SNTG2: variants seen among roughly 807,000 people sequenced by gnomAD.
SNTG2 encodes the protein gamma-2-syntrophin.
In SNTG2, 74 loss-of-function variants were observed where a neutral mutation model predicts 70.9. That is an observed-to-expected ratio of 1.04 (90% confidence interval 0.86 to 1.27). The LOEUF is 1.27. SNTG2 is among the 50% of genes most tolerant of loss of function. The pLI is 0.00. For synonymous variants in SNTG2, 278 were observed against 273.8 expected, an observed-to-expected ratio of 1.02 and a Z score of -0.15; for missense variants, 717 against 690.7, an observed-to-expected ratio of 1.04 and a Z score of -0.43.
chr2:1,146,355 A>G (rs1669100963), intron 6 of SNTG2, among the ~76,000 whole-genome samples: 1 of 148,842 alleles, frequency 6.7e-6, no homozygotes, highest in Admixed American at 6.8e-5. Flanking sequence ...AAATATGTAT[A>G]ATGTTTAAAT....
At chr2:1,268,417 T>A (rs971483881) in intron 14 of SNTG2, among the ~76,000 whole-genome samples, 1 of 152,226 alleles carries the variant, frequency 6.6e-6, no homozygotes, top group African/African-American at 2.4e-5. Flanking sequence ...CTCCTTGGCA[T>A]GCCATCACAG....
At chr2:977,471 C>T (rs1397258534) in intron 1 of SNTG2, among the ~76,000 whole-genome samples, 1 of 152,140 alleles carries the variant, frequency 6.6e-6, no homozygotes, top group East Asian at 1.9e-4. Flanking sequence ...CTTCACCACC[C>T]AGTCCTCTGC....
intron 8 of SNTG2, among the ~76,000 whole-genome samples, chr2:1,201,405 G>A (rs1673266912): frequency 6.6e-6 from 1 of 151,674 alleles, no homozygotes; most frequent in Non-Finnish European, 1.5e-5. Context: ...GGTGTGGGGG[G>A]AGGTGAAGAG....
At chr2:1,085,662 A>G (rs4290689) in intron 2 of SNTG2, among the ~76,000 whole-genome samples, 125,503 of 152,228 alleles carry the variant, frequency 0.82, 51,861 homozygotes, top group Admixed American at 0.89. Context: ...CCGTGTATCC[A>G]GCAGTGCAGA....
chr2:1,085,082 T>C (rs34791536), intron 2 of SNTG2, among the ~76,000 whole-genome samples: 3 of 152,204 alleles, frequency 2.0e-5, no homozygotes, highest in African/African-American at 7.2e-5. Context: ...AGGCTTTTTT[T>C]CCCCGACATG....
intron 8 of SNTG2, among the ~76,000 whole-genome samples, chr2:1,192,202 GGAACGTGGTTTCCACAA>G (rs1672637672): frequency 6.6e-6 from 1 of 152,294 alleles, no homozygotes; most frequent in South Asian, 2.1e-4. Context: ...GAGGGAGTTG[GGAACGTGGTTTCCACAA>G]AAGGTTCTGT....
chr2:1,254,387 G>A (rs1043727162), intron 12 of SNTG2, among the ~76,000 whole-genome samples: 9 of 152,162 alleles, frequency 5.9e-5, no homozygotes, highest in African/African-American at 2.2e-4. Flanking sequence ...TCTGAAAGAT[G>A]TTTCAGTTAT....
intron 1 of SNTG2, among the ~76,000 whole-genome samples, chr2:1,073,351 C>G (rs879234046): frequency 6.6e-6 from 1 of 152,188 alleles, no homozygotes; most frequent in African/African-American, 2.4e-5. Context: ...CATCTTGATC[C>G]GTCAGCCTAC....
intron 6 of SNTG2, among the ~76,000 whole-genome samples, chr2:1,140,320 C>A (rs1180685670): frequency 6.6e-6 from 1 of 152,242 alleles, no homozygotes; most frequent in East Asian, 1.9e-4. Context: ...GCATTTTCAT[C>A]CACACTGGCA....
At chr2:965,193 A>C (rs1572170690) in intron 1 of SNTG2, among the ~76,000 whole-genome samples, 2 of 94,376 alleles carry the variant, frequency 2.1e-5, no homozygotes, top group African/African-American at 3.8e-5. Flanking sequence ...CCTGGTCCCC[A>C]GTCCTCCTCC....
chr2:1,308,938 T>C (rs13412370), intron 15 of SNTG2, among the ~76,000 whole-genome samples: 2,123 of 152,248 alleles, frequency 0.014, 47 homozygotes, highest in African/African-American at 0.047. Context: ...CGGTGAACAG[T>C]GCCTGTGCCT....
At chr2:1,018,037 G>T (rs1222302591) in intron 1 of SNTG2, among the ~76,000 whole-genome samples, 1 of 152,132 alleles carries the variant, frequency 6.6e-6, no homozygotes, top group Non-Finnish European at 1.5e-5. Context: ...CATGTATCTG[G>T]CATCCATGCA....
chr2:1,238,239 G>C (rs1275823157), intron 10 of SNTG2, among the ~76,000 whole-genome samples: 1 of 151,998 alleles, frequency 6.6e-6, no homozygotes, highest in East Asian at 1.9e-4. Flanking sequence ...TTCCCATCTG[G>C]TTTTGTCTTC....
At chr2:1,355,941 G>A (rs774277733) in intron 16 of SNTG2, among the ~76,000 whole-genome samples, 3 of 152,154 alleles carry the variant, frequency 2.0e-5, no homozygotes, top group Non-Finnish European at 4.4e-5. Context: ...CCTAATGCTT[G>A]GTGATGTGAA....
intron 16 of SNTG2, among the ~76,000 whole-genome samples, chr2:1,328,286 C>T (rs1681841539): frequency 6.6e-6 from 1 of 152,140 alleles, no homozygotes; most frequent in East Asian, 1.9e-4. Context: ...AATATACAAA[C>T]ATGTGGATAG....
chr2:1,243,294 A>AG (rs1447682279), intron 11 of SNTG2, among the ~76,000 whole-genome samples: 1 of 152,184 alleles, frequency 6.6e-6, no homozygotes, highest in African/African-American at 2.4e-5. Context: ...GTCCCAGCCC[A>AG]GGGGGAAGAA....
rs1352906344 is a variant in SNTG2 at position 1,119,074 on chromosome 2, G to A, written c.326-18548G>A. Among the ~76,000 whole-genome samples the A allele has an allele frequency of 2.0e-5, 3 of 152,184 alleles. No individual in the cohort carries two copies. In the East Asian group the frequency reaches 5.8e-4, roughly 29 times the overall value. ...AGGAATCTCCATTAGTCTATCAGTG[G>A]ATTTCTCAGCAGAAAACTTGAAAGC... On this transcript the variant is annotated intron_variant, in intron 4 of 16. Coordinates refer to ENST00000308624, the MANE Select transcript of SNTG2 (RefSeq NM_018968.4).
Position 1,027,998 on chromosome 2 carries a change from G to A in SNTG2, c.73-55520G>A, listed in dbSNP as rs536913900. Among the ~76,000 whole-genome samples the A allele has an allele frequency of 7.9e-5, 12 of 151,570 alleles. No individual in the cohort carries two copies. In the South Asian group the frequency reaches 1.0e-3, roughly 13 times the overall value. The stretch of plus-strand genomic sequence containing the variant: ...CAGGTGCATCATTGAAGGTGCGTCC[G>A]ACCCACAGACACTACCCAGCAAGTA... On this transcript the variant is annotated intron_variant, in intron 1 of 16. Coordinates refer to ENST00000308624, the MANE Select transcript of SNTG2 (RefSeq NM_018968.4).
Position 1,262,648 on chromosome 2 carries a change from C to T in SNTG2, c.1077+3207C>T, listed in dbSNP as rs573249009. On this transcript the variant is annotated intron_variant, in intron 13 of 16. Transcript: ENST00000308624. ...AGGAAACCCAAAGGCTCAGTCCAGA[C>T]GTAGTAACCGGAAGGCTCAGTCCAG... Among the ~76,000 whole-genome samples, 16 of 152,154 alleles carry T rather than the reference C, an allele frequency of 1.1e-4. No individual in the cohort carries two copies. The South Asian group carries it at 3.1e-3, about 30-fold the overall frequency.
Sources: allele counts gnomAD v4.1 joint callset (sites outside exome capture counted in the v4.1 genomes callset), GRCh38; gene constraint gnomAD v4.1.1; transcripts MANE v1.5; gene names NCBI Gene and HGNC (gene_info 2026-07-23, HGNC 2026-07-21).